The following MACF1 variants were observed in gnomAD, a reference collection of about 807,000 sequenced individuals.
MACF1 encodes microtubule actin crosslinking factor 1.
MACF1 carries 193 observed loss-of-function variants against 854.8 expected under a neutral mutation model. The observed-to-expected ratio is 0.23, with a 90% confidence interval of 0.20 to 0.25. MACF1 has a LOEUF of 0.25. Among genes scored for constraint, MACF1 ranks in the 10% least tolerant of loss-of-function variants. The pLI is 1.00. For missense variants in MACF1, 7,722 were observed against 8,929.1 expected (o/e 0.86, Z 5.45); for synonymous variants, 3,185 against 3,226.7 (o/e 0.99, Z 0.44).
intron 17 of MACF1, 151 bp from the exon 18 acceptor site, chr1:39,293,307 A>G: frequency 1.4e-6 from 1 of 740,178 alleles, no homozygotes; most frequent in Non-Finnish European, 2.2e-6. Context: ...GTCTTATATC[A>G]AACTTGTACA....
Position 39,105,590 on chromosome 1 carries a change from C to T in MACF1, c.220+21152C>T, listed in dbSNP as rs749219605. ...GCGCGCGGGCCTGGAACCGGCAGCC[C>T]CCGGGGCTCGGCGAGAAGGCGGTGC... On this transcript the variant is annotated intron_variant, in intron 2 of 93. Coordinates refer to the MACF1 transcript ENST00000361689. The surrounding 1 kb of genome is among the most constrained non-coding windows in gnomAD (Gnocchi z 5.9). The T allele has an allele frequency of 7.2e-5, 87 of 1,208,458 alleles. No homozygotes were observed. The Middle Eastern group carries it at 1.7e-3, about 24-fold the overall frequency. The allele number at this position is 1,208,458 out of a possible 1,614,324, so 74.9% of individuals were successfully genotyped here. A position where few individuals can be genotyped will look rare whatever the true frequency, so the allele number is the denominator to read the frequency against.
rs779222353 is a variant in MACF1 at position 39,336,025 on chromosome 1, A to T, written c.9437A>T (p.Tyr3146Phe). The change falls in exon 37 of 101, where the codon TAT (tyrosine) becomes TTT (phenylalanine). Residue 3146 changes from tyrosine (Y) to phenylalanine (F), a missense_variant. Around this residue, in one of 15 missense-constraint regions of MACF1, gnomAD observed 854 missense variants for 852.6 expected, o/e 1.00. Transcript: ENST00000564288. Reference sequence around the variant, plus strand: ...GGAACCACCAGACAGGAGACCAACTATCAAGATTCCTGGGTTACTTCGAAA... The same window carrying T: ...GGAACCACCAGACAGGAGACCAACTTTCAAGATTCCTGGGTTACTTCGAAA... ...FQGTTRQETNYQDSWVTSKTK... is the reference protein window; with the variant it reads ...FQGTTRQETNFQDSWVTSKTK... 1.9e-6 allele frequency: 3 copies of T among 1,614,180 alleles called. No individual in the cohort carries two copies. In the Admixed American group the frequency reaches 5.0e-5, roughly 27 times the overall value.
At chr1:39,173,371 A>G (rs2148223965) in intron 2 of MACF1, among the ~76,000 whole-genome samples, 1 of 119,258 alleles carries the variant, frequency 8.4e-6, no homozygotes, top group Admixed American at 8.3e-5. Context: ...AAGAAAGAAA[A>G]AGCACTGGAA....
chr1:39,300,072 A>G lies in MACF1; in HGVS notation c.2482-138A>G, dbSNP rs1008118078. The G allele has an allele frequency of 4.8e-6, 4 of 834,654 alleles. No homozygotes were observed. The African/African-American group carries it at 5.2e-5, about 11-fold the overall frequency. The allele number at this position is 834,654 out of a possible 1,614,324, so 51.7% of individuals were successfully genotyped here. ...TTTCTTTATCATTGTCTAAGTCTTT[A>G]AGATGGCTCCACCAACCATCCCTAC... On this transcript the variant is annotated intron_variant, in intron 21 of 100. Coordinates refer to ENST00000564288, the MANE Select transcript of MACF1 (RefSeq NM_001394062.1).
At chr1:39,442,676 A>G in intron 77 of MACF1, 38 bp from the exon 78 acceptor site, 3 of 1,611,436 alleles carry the variant, frequency 1.9e-6, no homozygotes, top group Non-Finnish European at 2.5e-6. Flanking sequence ...GTTAGATGAT[A>G]TCCATAGAGA....
chr1:39,352,106 T>C (rs1420138947), intron 43 of MACF1, among the ~76,000 whole-genome samples: 1 of 152,166 alleles, frequency 6.6e-6, no homozygotes, highest in East Asian at 1.9e-4. Context: ...TTGTTTAGCC[T>C]TGGATGCCGA....
intron 2 of MACF1, among the ~76,000 whole-genome samples, chr1:39,090,536 G>A (rs1167161172): frequency 2.0e-5 from 3 of 152,236 alleles, no homozygotes; most frequent in Non-Finnish European, 2.9e-5. Context: ...CCCAGTTGGT[G>A]AGGGAAGGTG....
chr1:39,269,816 G>T (rs1265213285), intron 6 of MACF1: 14 of 1,047,058 alleles, frequency 1.3e-5, no homozygotes, highest in Non-Finnish European at 1.7e-5. Context: ...GAGGATGTTG[G>T]TGCCTCTCAA....
chr1:39,231,380 CTCT>C, intron 2 of MACF1, 137 bp downstream of exon 2: 1 of 766,858 alleles, frequency 1.3e-6, no homozygotes, highest in Non-Finnish European at 2.2e-6. Context: ...CTTTTCTTTT[CTCT>C]TCTTTTCTTT....
intron 97 of MACF1, among the ~76,000 whole-genome samples, chr1:39,475,826 G>A (rs887331231): frequency 1.3e-5 from 2 of 152,038 alleles, no homozygotes; most frequent in Non-Finnish European, 2.9e-5. Flanking sequence ...TATAATGGTA[G>A]CACTGAAGCC....
At chr1:39,233,891 C>T (rs988209603) in intron 2 of MACF1, among the ~76,000 whole-genome samples, 1 of 138,176 alleles carries the variant, frequency 7.2e-6, no homozygotes, top group African/African-American at 2.6e-5. Flanking sequence ...AGCAGATACA[C>T]AAGTGAACAA....
rs373063201 is a variant in MACF1, at chr1:39,485,840, C to T, written c.*46C>T. On this transcript the variant is annotated 3_prime_UTR_variant, in exon 101 of 101. Transcript: ENST00000564288. ...GCCACTATCCACTTTGAATCCTGCT[C>T]CATACATTGGGTGTATATTTATTCT... The T allele has an allele frequency of 3.8e-5, 58 of 1,518,912 alleles. No homozygotes were observed. The highest frequency in any genetic ancestry group is 4.8e-5 in the Non-Finnish European group (54 of 1,132,090). 94.1% of individuals were successfully genotyped at this position (1,518,912 alleles called of 1,614,324 possible).
intron 2 of MACF1, among the ~76,000 whole-genome samples, chr1:39,188,114 C>G (rs907768681): frequency 2.0e-5 from 3 of 151,508 alleles, no homozygotes; most frequent in Admixed American, 6.6e-5. Context: ...CTTAAAATGT[C>G]TGATGTTTCT....
chr1:39,213,642 C>T (rs1644542472), intron 1 of MACF1, among the ~76,000 whole-genome samples: 1 of 152,182 alleles, frequency 6.6e-6, no homozygotes. Context: ...CAGTCTCACT[C>T]AGGGAATTTA....
intron 2 of MACF1, among the ~76,000 whole-genome samples, chr1:39,235,907 G>T (rs1320748576): frequency 6.6e-6 from 1 of 152,074 alleles, no homozygotes; most frequent in Non-Finnish European, 1.5e-5. Context: ...GCTAATTTTT[G>T]TGTGTGTGTT....
At chr1:39,148,033 C>T (rs1643504093) in intron 2 of MACF1, among the ~76,000 whole-genome samples, 1 of 152,168 alleles carries the variant, frequency 6.6e-6, no homozygotes, top group South Asian at 2.1e-4. Flanking sequence ...TGTCCCAACT[C>T]AAAACTTAAT....
At position 39,382,290 on chromosome 1, in the gene MACF1, G is replaced by C. The variant is rs762541169; in HGVS notation, c.13848+138G>C. On this transcript the variant is annotated intron_variant, in intron 56 of 100. Transcript: ENST00000564288. ...TCAGTTTAAATGAGGTATTTATAAG[G>C]TGTTAATCATGGTGCCTGTAAAATA... 28 of 776,756 alleles carry C rather than the reference G, an allele frequency of 3.6e-5. No individual in the cohort carries two copies. The Middle Eastern group carries it at 7.2e-4, about 20-fold the overall frequency. The allele number at this position is 776,756 out of a possible 1,614,324, so 48.1% of individuals were successfully genotyped here. A position where few individuals can be genotyped will look rare whatever the true frequency, so the allele number is the denominator to read the frequency against.
intron 2 of MACF1, among the ~76,000 whole-genome samples, chr1:39,093,305 CTTTTTTTTTTT>C (rs34921076): frequency 1.8e-4 from 10 of 54,122 alleles, no homozygotes; most frequent in African/African-American, 7.1e-5. Flanking sequence ...TACTCCACTT[CTTTTTTTTTTT>C]TTTTTTTTTT....
intron 94 of MACF1, chr1:39,464,884 A>G: frequency 1.9e-6 from 1 of 517,298 alleles, no homozygotes; most frequent in Non-Finnish European, 3.5e-6. Flanking sequence ...ACTGCACTCC[A>G]GCCTGGGCAA....
Sources: gnomAD v4.1 joint callset for allele counts (sites outside exome capture counted in the v4.1 genomes callset) on GRCh38, gnomAD v4.1.1 for gene constraint, gnomAD v4.1.1 regional missense constraint, Gnocchi (gnomAD v3.1) non-coding constraint, MANE v1.5 for transcripts, NCBI Gene and HGNC (gene_info 2026-07-23, HGNC 2026-07-21) for gene names.